KLF8: variants seen among roughly 807,000 people sequenced by gnomAD.
KLF8 encodes the protein Krueppel-like factor 8.
KLF8 carries 10 observed loss-of-function variants against 18.2 expected under a neutral mutation model. That is an observed-to-expected ratio of 0.55 (90% CI 0.34 to 0.93). The LOEUF (loss-of-function observed/expected upper bound fraction) is 0.93. Ranked by LOEUF, KLF8 falls within the 40% of genes least tolerant of loss-of-function variation. The pLI is 0.02. For synonymous variants in KLF8, 109 were observed against 97.3 expected, an observed-to-expected ratio of 1.12 and a Z score of -0.71; for missense variants, 264 against 277.9, an observed-to-expected ratio of 0.95 and a Z score of 0.36.
At chrX:55,960,924 A>G in the KLF8 span, among the ~76,000 whole-genome samples, 4 of 111,869 alleles carry the variant, frequency 3.6e-5, no homozygotes, top group African/African-American at 1.3e-4. Flanking sequence ...ACACAACTGT[A>G]TGCTGTCTTC....
chrX:55,910,382 A>T, the KLF8 span, among the ~76,000 whole-genome samples: 2 of 111,073 alleles, frequency 1.8e-5, no homozygotes, highest in Non-Finnish European at 3.8e-5. Context: ...TTGAGTGGGG[A>T]TAAGATAGGA....
At chrX:56,066,799 C>T in the KLF8 span, among the ~76,000 whole-genome samples, 8 of 110,799 alleles carry the variant, frequency 7.2e-5, no homozygotes, top group African/African-American at 2.6e-4. Context: ...CTTGTAACTG[C>T]CTAGGACTCA....
chrX:56,078,250 C>T, the KLF8 span, among the ~76,000 whole-genome samples: 2 of 111,839 alleles, frequency 1.8e-5, no homozygotes, highest in South Asian at 3.8e-4. Context: ...CCAGTTTTTG[C>T]CCATTCAATA....
chrX:56,123,016 A>G, the KLF8 span, among the ~76,000 whole-genome samples: 1 of 110,468 alleles, frequency 9.1e-6, no homozygotes, highest in Non-Finnish European at 1.9e-5. Context: ...CCCACCCTGA[A>G]AGACACACAC....
At chrX:56,254,297 C>T in intron 2 of KLF8, among the ~76,000 whole-genome samples, 1 of 112,093 alleles carries the variant, frequency 8.9e-6, no homozygotes, top group Non-Finnish European at 1.9e-5. Flanking sequence ...CTGCTGTGTT[C>T]TACCCCTTGT....
the KLF8 span, among the ~76,000 whole-genome samples, chrX:56,106,028 G>C: frequency 9.0e-6 from 1 of 111,578 alleles, no homozygotes; most frequent in African/African-American, 3.3e-5. Flanking sequence ...TTTTCTTTAA[G>C]AATGTTGAAT....
At chrX:55,965,482 G>A in the KLF8 span, among the ~76,000 whole-genome samples, 2 of 111,561 alleles carry the variant, frequency 1.8e-5, no homozygotes, top group Non-Finnish European at 3.8e-5. Context: ...AGTAAAACAA[G>A]AATGCCCACT....
the KLF8 span, chrX:55,961,573 G>A: frequency 2.8e-4 from 144 of 518,057 alleles, no homozygotes; most frequent in Non-Finnish European, 4.8e-4. Flanking sequence ...GTTGAAAAAT[G>A]TCCAGTTATT....
the KLF8 span, among the ~76,000 whole-genome samples, chrX:56,210,518 C>T: frequency 9.0e-6 from 1 of 110,854 alleles, no homozygotes; most frequent in African/African-American, 3.3e-5. Flanking sequence ...TTGAGGTAGT[C>T]TTCTTTGAGT....
the KLF8 span, among the ~76,000 whole-genome samples, chrX:55,949,051 A>T: frequency 1.8e-5 from 2 of 112,106 alleles, no homozygotes; most frequent in Non-Finnish European, 3.8e-5. Context: ...ATCTTCTATG[A>T]TACTAGTCTT....
chrX:56,282,145 A>G (rs910433705), intron 5 of KLF8, among the ~76,000 whole-genome samples: 1 of 112,555 alleles, frequency 8.9e-6, no homozygotes, highest in African/African-American at 3.2e-5. Context: ...TTTAATTTAC[A>G]CACTCTAAAC....
the KLF8 span, among the ~76,000 whole-genome samples, chrX:56,106,900 T>C: frequency 8.9e-6 from 1 of 112,342 alleles, no homozygotes; most frequent in Non-Finnish European, 1.9e-5. Context: ...GGGGTTTTGG[T>C]GTAGATACCA....
chrX:56,213,909 C>T, the KLF8 span, among the ~76,000 whole-genome samples: 1 of 111,106 alleles, frequency 9.0e-6, no homozygotes, highest in African/African-American at 3.3e-5. Context: ...GTCACACAAA[C>T]GAATTGAAGG....
At chrX:55,961,361 G>T in the KLF8 span, 1 of 468,436 alleles carries the variant, frequency 2.1e-6, no homozygotes, top group Non-Finnish European at 4.1e-6. Context: ...GCCTTTAAGA[G>T]GGACACCGAT....
At chrX:55,964,689 C>A in the KLF8 span, among the ~76,000 whole-genome samples, 1 of 111,469 alleles carries the variant, frequency 9.0e-6, no homozygotes, top group African/African-American at 3.3e-5. Context: ...GAGGAAAGAT[C>A]CACATGAACA....
chrX:56,212,917 A>G, the KLF8 span, among the ~76,000 whole-genome samples: 1 of 111,768 alleles, frequency 8.9e-6, no homozygotes, highest in Admixed American at 9.5e-5. Context: ...GTTCTTAAAG[A>G]CATTGTTGTT....
At chrX:56,144,238 G>T in the KLF8 span, among the ~76,000 whole-genome samples, 1 of 110,536 alleles carries the variant, frequency 9.0e-6, no homozygotes, top group Admixed American at 9.7e-5. Flanking sequence ...AAAATATAGG[G>T]GTATATTTTC....
chrX:56,071,146 A>G, the KLF8 span, among the ~76,000 whole-genome samples: 1 of 112,090 alleles, frequency 8.9e-6, no homozygotes, highest in Non-Finnish European at 1.9e-5. Flanking sequence ...CAGCAGAAGC[A>G]TTTTGATGTC....
At chrX:55,923,695 T>TA in the KLF8 span, among the ~76,000 whole-genome samples, 1 of 104,142 alleles carries the variant, frequency 9.6e-6, no homozygotes, top group African/African-American at 3.8e-5. Context: ...CCATAACACT[T>TA]AAAGATCCAC....
Sources: allele counts gnomAD v4.1 joint callset (sites outside exome capture counted in the v4.1 genomes callset), GRCh38; gene constraint gnomAD v4.1.1; transcripts MANE v1.5; gene names NCBI Gene and HGNC (gene_info 2026-07-23, HGNC 2026-07-21).